DNAL1: variants seen among roughly 807,000 people sequenced by gnomAD.
DNAL1 encodes chromosome 14 open reading frame 168.
A neutral mutation model predicts 29.4 loss-of-function variants in DNAL1; 17 were observed. That is an observed-to-expected ratio of 0.58 (90% CI 0.40 to 0.87). DNAL1 has a LOEUF of 0.87. Ranked by LOEUF, DNAL1 falls within the 40% of genes least tolerant of loss-of-function variation. The pLI is 0.00. For synonymous variants in DNAL1, 78 were observed against 76.3 expected, an observed-to-expected ratio of 1.02 and a Z score of -0.12; for missense variants, 188 against 214.1, an observed-to-expected ratio of 0.88 and a Z score of 0.76.
intron 7 of DNAL1, among the ~76,000 whole-genome samples, chr14:73,691,184 C>A (rs1473599442): frequency 2.0e-5 from 3 of 152,144 alleles, no homozygotes; most frequent in Admixed American, 6.5e-5. Flanking sequence ...ATAAAATAAT[C>A]TATGTGAAAC....
At chr14:73,680,623 A>T (rs2140051616) in intron 5 of DNAL1, among the ~76,000 whole-genome samples, 1 of 152,080 alleles carries the variant, frequency 6.6e-6, no homozygotes, top group East Asian at 1.9e-4. Flanking sequence ...CATATCAATC[A>T]CTCAAACATT....
chr14:73,677,410 C>A (rs1411639539), intron 5 of DNAL1, among the ~76,000 whole-genome samples: 1 of 151,228 alleles, frequency 6.6e-6, no homozygotes, highest in Admixed American at 6.6e-5. Flanking sequence ...GCTCAAGTGA[C>A]CCTCTTGCCT....
At chr14:73,692,549 T>G (rs1892199560) in intron 7 of DNAL1, among the ~76,000 whole-genome samples, 1 of 150,734 alleles carries the variant, frequency 6.6e-6, no homozygotes. Flanking sequence ...ATCCCAGCTA[T>G]TCGGGAGGCT....
At chr14:73,694,696 T>TC (rs1892261265) in intron 7 of DNAL1, among the ~76,000 whole-genome samples, 2 of 152,002 alleles carry the variant, frequency 1.3e-5, no homozygotes, top group African/African-American at 2.4e-5. Context: ...AGAAAACTTT[T>TC]TTTTTTTTTT....
chr14:73,676,259 A>G (rs532711498), intron 5 of DNAL1, among the ~76,000 whole-genome samples: 12 of 151,896 alleles, frequency 7.9e-5, no homozygotes, highest in African/African-American at 2.2e-4. Flanking sequence ...TTTTTTTTTA[A>G]TTCTATAAGT....
chr14:73,657,238 G>A (rs1370365168), intron 2 of DNAL1, among the ~76,000 whole-genome samples: 7 of 152,140 alleles, frequency 4.6e-5, no homozygotes. Flanking sequence ...TCTGGGGACA[G>A]GGTCTCTGTT....
chr14:73,672,716 T>C (rs1192628802), intron 5 of DNAL1, among the ~76,000 whole-genome samples: 1 of 151,696 alleles, frequency 6.6e-6, no homozygotes, highest in Non-Finnish European at 1.5e-5. Context: ...TGTTTTCTAA[T>C]TGGATATGGT....
chr14:73,661,103 G>T (rs924755930), intron 3 of DNAL1, among the ~76,000 whole-genome samples: 1 of 151,920 alleles, frequency 6.6e-6, no homozygotes. Context: ...GGCGGAGGTC[G>T]CAGTGAACTG....
intron 5 of DNAL1, among the ~76,000 whole-genome samples, chr14:73,671,964 GAC>G (rs1566885474): frequency 1.3e-5 from 2 of 152,162 alleles, no homozygotes; most frequent in African/African-American, 4.8e-5. Flanking sequence ...TTCCCGAAAA[GAC>G]AATACTTTTT....
chr14:73,677,884 T>TGTGTGTGTG (rs1555402397), intron 5 of DNAL1, among the ~76,000 whole-genome samples: 1,048 of 96,126 alleles, frequency 0.011, 17 homozygotes, highest in African/African-American at 0.037. Flanking sequence ...ATATATATAT[T>TGTGTGTGTG]TGTGTGTGTG....
At chr14:73,678,576 T>C (rs1891800378) in intron 5 of DNAL1, among the ~76,000 whole-genome samples, 2 of 150,800 alleles carry the variant, frequency 1.3e-5, no homozygotes, top group South Asian at 4.2e-4. Flanking sequence ...GTAGCAGTTG[T>C]GAACAGGCAT....
At chr14:73,689,026 GTTTTTTTTTTTT>G (rs71112794) in intron 6 of DNAL1, among the ~76,000 whole-genome samples, 4 of 92,248 alleles carry the variant, frequency 4.3e-5, no homozygotes, top group African/African-American at 2.0e-4. Context: ...AAAACTTGCT[GTTTTTTTTTTTT>G]TTTTTTTTTT....
At chr14:73,667,276 A>G (rs368830923) in intron 4 of DNAL1, among the ~76,000 whole-genome samples, 71 of 152,130 alleles carry the variant, frequency 4.7e-4, no homozygotes, top group African/African-American at 1.5e-3. Context: ...AGCCTAGCCA[A>G]CATGGTGAAA....
intron 4 of DNAL1, among the ~76,000 whole-genome samples, chr14:73,666,473 A>G (rs1017959164): frequency 1.3e-5 from 2 of 152,206 alleles, no homozygotes; most frequent in East Asian, 3.8e-4. Context: ...TTGAAAGCAC[A>G]GTTTTGATTT....
chr14:73,696,988 A>T lies in DNAL1; in HGVS notation c.*1046A>T, dbSNP rs57392559. ...GGGAAGGGAGATGTTTCATTATGAG[A>T]TCCCAGGCAAATGGCAATATGTTTG... On this transcript the variant is annotated 3_prime_UTR_variant, in exon 8 of 8. Coordinates refer to ENST00000553645, the MANE Select transcript of DNAL1 (RefSeq NM_031427.4). The T allele has an allele frequency of 5.7e-4, 87 of 152,320 alleles. No homozygotes were observed. The highest frequency in any genetic ancestry group is 1.9e-3 in the African/African-American group (81 of 41,578). The allele number at this position is 152,320 out of a possible 1,614,324, so 9.4% of individuals were successfully genotyped here.
At chr14:73,695,056 T>TTC (rs1446773050) in intron 7 of DNAL1, among the ~76,000 whole-genome samples, 3 of 135,324 alleles carry the variant, frequency 2.2e-5, no homozygotes, top group African/African-American at 8.4e-5. Flanking sequence ...GGCTTTTTTT[T>TTC]TTTTTTTTTT....
intron 1 of DNAL1, among the ~76,000 whole-genome samples, chr14:73,653,579 A>T (rs938111872): frequency 1.3e-5 from 2 of 151,958 alleles, no homozygotes; most frequent in African/African-American, 4.8e-5. Flanking sequence ...GCTGGTATTG[A>T]ACTCCTGGCC....
At chr14:73,688,440 A>G (rs966092648) in intron 6 of DNAL1, among the ~76,000 whole-genome samples, 1 of 151,444 alleles carries the variant, frequency 6.6e-6, no homozygotes, top group Non-Finnish European at 1.5e-5. Context: ...CAAAACCCAA[A>G]TTTTTTTTTG....
chr14:73,665,795 A>C lies in DNAL1; in HGVS notation c.208+3753A>C, dbSNP rs558324435. Among the ~76,000 whole-genome samples the C allele has an allele frequency of 5.3e-5, 8 of 152,266 alleles. No homozygotes were observed. In the South Asian group the frequency reaches 8.3e-4, roughly 16 times the overall value. ...GACAGAGTGAGACTCATCTCAAAAAAAAAAAAAAATGACTATGATAATAGT... is the reference window on the plus strand; with the variant it reads ...GACAGAGTGAGACTCATCTCAAAAACAAAAAAAAATGACTATGATAATAGT... On this transcript the variant is annotated intron_variant, in intron 4 of 7. Transcript: ENST00000553645.
Sources: allele counts gnomAD v4.1 joint callset (sites outside exome capture counted in the v4.1 genomes callset), GRCh38; gene constraint gnomAD v4.1.1; transcripts MANE v1.5; gene names NCBI Gene and HGNC (gene_info 2026-07-23, HGNC 2026-07-21).